TLL1: variants seen among roughly 807,000 people sequenced by gnomAD.
TLL1 encodes tolloid-like protein 1.
Under a neutral mutation model 128.2 loss-of-function variants are expected in TLL1, and 49 were observed. That is an observed-to-expected ratio of 0.38 (90% CI 0.30 to 0.48). The LOEUF (loss-of-function observed/expected upper bound fraction) is 0.48. Ranked by LOEUF, TLL1 falls within the 20% of genes least tolerant of loss-of-function variation. The pLI is 0.96. For missense variants in TLL1, 1,123 were observed against 1,242.0 expected (o/e 0.90, Z 1.44); for synonymous variants, 454 against 418.8 (o/e 1.08, Z -1.03).
rs560711953 is a variant in TLL1, at chr4:166,054,959, A to G, written c.1525-117A>G. On this transcript the variant is annotated intron_variant, in intron 12 of 20. Coordinates refer to ENST00000061240, the MANE Select transcript of TLL1 (RefSeq NM_012464.5). ...AGAAACATTCAAGTACACTCATTTG[A>G]TACAAATAACTTTTATATTAACAAA... is the stretch of plus-strand genomic sequence containing the variant. The G allele has an allele frequency of 4.1e-4, 317 of 779,566 alleles. 1 individual carries two copies. The highest frequency in any genetic ancestry group is 8.0e-4 in the South Asian group (42 of 52,720). The allele number at this position is 779,566 out of a possible 1,614,324, so 48.3% of individuals were successfully genotyped here.
At position 166,039,450 on chromosome 4, in the gene TLL1, T is replaced by C. The variant is rs1484752284; in HGVS notation, c.1261+9T>C. On this transcript the variant is annotated intron_variant, in intron 10 of 20. Coordinates refer to ENST00000061240, the MANE Select transcript of TLL1 (RefSeq NM_012464.5). The stretch of plus-strand genomic sequence containing the variant: ...AAAATCACCTCTCCTTGGTAAGATA[T>C]CCTTTCCCTTTTATGTGGCTATGTA... 1 of 1,596,458 alleles carries C rather than the reference T, an allele frequency of 6.3e-7. No individual in the cohort carries two copies. Among genetic ancestry groups the C allele is most frequent in the Non-Finnish European group, 8.6e-7 (1 of 1,164,406 alleles).
intron 15 of TLL1, among the ~76,000 whole-genome samples, chr4:166,062,386 T>G (rs1740359180): frequency 6.6e-6 from 1 of 152,218 alleles, no homozygotes; most frequent in Admixed American, 6.5e-5. Context: ...TGTCTTCTTT[T>G]ATTTCGTTGA....
chr4:165,947,589 C>T (rs539268246), intron 1 of TLL1, among the ~76,000 whole-genome samples: 16 of 152,010 alleles, frequency 1.1e-4, no homozygotes, highest in East Asian at 1.9e-4. Context: ...AAAAGGCTAA[C>T]GATATGATTG....
intron 1 of TLL1, among the ~76,000 whole-genome samples, chr4:165,907,252 T>C (rs1579469832): frequency 6.6e-6 from 1 of 152,304 alleles, no homozygotes; most frequent in South Asian, 2.1e-4. Context: ...ACTCAAGCCA[T>C]ATTTTTTTTT....
chr4:166,043,494 A>C, intron 12 of TLL1, 75 bp downstream of exon 12: 1 of 1,597,586 alleles, frequency 6.3e-7, no homozygotes, highest in Non-Finnish European at 8.6e-7. Flanking sequence ...ATCCTCATTA[A>C]ATCAGCAAAG....
At chr4:166,092,514 A>G (rs1007018221) in intron 19 of TLL1, among the ~76,000 whole-genome samples, 3 of 152,202 alleles carry the variant, frequency 2.0e-5, no homozygotes, top group Admixed American at 6.5e-5. Flanking sequence ...TTTTCCACAC[A>G]TTTGACATTT....
intron 12 of TLL1, among the ~76,000 whole-genome samples, chr4:166,048,932 G>A (rs1739588656): frequency 3.3e-5 from 5 of 152,130 alleles, no homozygotes; most frequent in Non-Finnish European, 7.4e-5. Context: ...TTTTTATCTT[G>A]GTACTTGGTA....
chr4:165,881,910 T>C (rs1730983513), intron 1 of TLL1, among the ~76,000 whole-genome samples: 1 of 152,188 alleles, frequency 6.6e-6, no homozygotes, highest in African/African-American at 2.4e-5. Context: ...TATGGTAACA[T>C]GTTGTTTCAC....
At chr4:166,080,785 A>C (rs1054609419) in intron 18 of TLL1, among the ~76,000 whole-genome samples, 1 of 152,018 alleles carries the variant, frequency 6.6e-6, no homozygotes. Context: ...ACTGGCTTCA[A>C]ATTCCTTTTT....
chr4:165,948,876 G>C (rs1430130787), intron 1 of TLL1, among the ~76,000 whole-genome samples: 1 of 152,004 alleles, frequency 6.6e-6, no homozygotes, highest in Non-Finnish European at 1.5e-5. Flanking sequence ...AATCTTTGAG[G>C]GTTAGAGGGA....
intron 1 of TLL1, among the ~76,000 whole-genome samples, chr4:165,910,356 T>A (rs538927258): frequency 6.6e-6 from 1 of 152,330 alleles, no homozygotes; most frequent in East Asian, 1.9e-4. Context: ...TAATAATGTG[T>A]ATGTGCTACA....
chr4:165,882,500 C>G (rs116136429), intron 1 of TLL1, among the ~76,000 whole-genome samples: 1 of 152,168 alleles, frequency 6.6e-6, no homozygotes, highest in African/African-American at 2.4e-5. Flanking sequence ...TAGTATATAA[C>G]TAAACCTGAA....
At chr4:166,086,659 G>C (rs1741529646) in intron 18 of TLL1, among the ~76,000 whole-genome samples, 1 of 152,114 alleles carries the variant, frequency 6.6e-6, no homozygotes, top group East Asian at 1.9e-4. Flanking sequence ...GGAAGCCTCA[G>C]AAGCCCTTGA....
chr4:165,990,176 T>A (rs1736572984), intron 2 of TLL1, among the ~76,000 whole-genome samples: 1 of 151,934 alleles, frequency 6.6e-6, no homozygotes, highest in African/African-American at 2.4e-5. Flanking sequence ...TAAATTAAAA[T>A]TTCAAAATTC....
intron 1 of TLL1, among the ~76,000 whole-genome samples, chr4:165,900,093 A>G (rs1235400392): frequency 3.4e-5 from 5 of 145,186 alleles, no homozygotes; most frequent in Non-Finnish European, 6.0e-5. Context: ...CTTGGTAAAT[A>G]TTCCTCCATC....
chr4:165,916,410 C>T (rs766843286), intron 1 of TLL1, among the ~76,000 whole-genome samples: 10 of 151,982 alleles, frequency 6.6e-5, no homozygotes, highest in Non-Finnish European at 1.0e-4. Flanking sequence ...TGTAAAAAGA[C>T]GAAAAAGTTA....
At chr4:165,886,192 T>C (rs1326472181) in intron 1 of TLL1, among the ~76,000 whole-genome samples, 4 of 152,162 alleles carry the variant, frequency 2.6e-5, no homozygotes, top group African/African-American at 9.6e-5. Flanking sequence ...CTGGATATTC[T>C]GTAGGAGACT....
chr4:166,026,996 C>T (rs1017898381), intron 9 of TLL1, among the ~76,000 whole-genome samples: 1 of 151,924 alleles, frequency 6.6e-6, no homozygotes, highest in Admixed American at 6.6e-5. Context: ...GCTAGATGCC[C>T]GTCGATGGTG....
chr4:166,069,640 C>T (rs1289498329), intron 16 of TLL1, among the ~76,000 whole-genome samples: 1 of 151,322 alleles, frequency 6.6e-6, no homozygotes. Context: ...GCTATCCTTG[C>T]ACATAGCCTC....
Sources: allele counts gnomAD v4.1 joint callset (sites outside exome capture counted in the v4.1 genomes callset), GRCh38; gene constraint gnomAD v4.1.1; transcripts MANE v1.5; gene names NCBI Gene and HGNC (gene_info 2026-07-23, HGNC 2026-07-21).